Variants in NTM observed in about 807,000 individuals in gnomAD.
NTM encodes the protein IgLON family member 2.
NTM carries 13 observed loss-of-function variants against 42.1 expected under a neutral mutation model. The observed-to-expected ratio is 0.31, with a 90% CI of 0.20 to 0.49. The LOEUF (loss-of-function observed/expected upper bound fraction) is 0.49, where lower values mean the gene tolerates loss of function less well. Among genes scored for constraint, NTM ranks in the 20% least tolerant of loss-of-function variants. The pLI, the probability that NTM is intolerant of heterozygous loss-of-function variation, is 0.99. For missense variants in NTM, 373 were observed against 452.8 expected (o/e 0.82, Z 1.60); for synonymous variants, 187 against 179.2 (o/e 1.04, Z -0.35).
chr11:131,958,098 C>G (rs2061749928), intron 2 of NTM, among the ~76,000 whole-genome samples: 1 of 152,160 alleles, frequency 6.6e-6, no homozygotes, highest in Non-Finnish European at 1.5e-5. Context: ...TGTTTTCCTT[C>G]CTTTAGCAGA....
At chr11:132,268,627 G>GTGTGTA (rs1444019267) in intron 4 of NTM, among the ~76,000 whole-genome samples, 26 of 150,444 alleles carry the variant, frequency 1.7e-4, no homozygotes, top group African/African-American at 6.4e-4. Context: ...GTGTGTGTGT[G>GTGTGTA]TGTGTATGTG....
At chr11:131,580,053 A>G (rs924178823) in intron 1 of NTM, among the ~76,000 whole-genome samples, 3 of 152,126 alleles carry the variant, frequency 2.0e-5, no homozygotes, top group Non-Finnish European at 4.4e-5. Context: ...GAGAGCCTGC[A>G]GGGAGGGCTG....
At chr11:132,219,815 C>G (rs2084755719) in intron 4 of NTM, among the ~76,000 whole-genome samples, 1 of 152,132 alleles carries the variant, frequency 6.6e-6, no homozygotes, top group Non-Finnish European at 1.5e-5. Flanking sequence ...TCAGCCAGCC[C>G]CCTCCTCTTC....
intron 1 of NTM, among the ~76,000 whole-genome samples, chr11:131,506,720 C>G (rs1466020592): frequency 6.6e-6 from 1 of 152,156 alleles, no homozygotes; most frequent in Non-Finnish European, 1.5e-5. Flanking sequence ...AGGCAGTAGG[C>G]CCCTGGGAAA....
chr11:131,601,739 C>G (rs1347270915), intron 1 of NTM, among the ~76,000 whole-genome samples: 1 of 152,216 alleles, frequency 6.6e-6, no homozygotes, highest in Non-Finnish European at 1.5e-5. Context: ...GTGTCTGACT[C>G]ATTGGGATGA....
At chr11:131,609,658 A>C (rs1445914071) in intron 1 of NTM, among the ~76,000 whole-genome samples, 1 of 152,196 alleles carries the variant, frequency 6.6e-6, no homozygotes, top group Non-Finnish European at 1.5e-5. Flanking sequence ...TGTATGAGTA[A>C]CAATGCCAAG....
chr11:132,054,941 G>A (rs2079394159), intron 2 of NTM, among the ~76,000 whole-genome samples: 1 of 152,192 alleles, frequency 6.6e-6, no homozygotes, highest in African/African-American at 2.4e-5. Context: ...CTGTGGTTAA[G>A]GGAGGGGTCA....
intron 1 of NTM, among the ~76,000 whole-genome samples, chr11:131,666,197 G>GCCCTTCA (rs2069013153): frequency 6.6e-6 from 1 of 152,142 alleles, no homozygotes. Flanking sequence ...AGTGAGGCCA[G>GCCCTTCA]CCCTTCACCC....
intron 7 of NTM, 199 bp downstream of exon 7, chr11:132,314,902 G>A (rs1311481497): frequency 1.0e-5 from 14 of 1,351,124 alleles, no homozygotes; most frequent in African/African-American, 1.5e-5. Context: ...GACAGAAAGA[G>A]AAAGAACAAG....
chr11:131,408,734 A>G (rs1270755401), intron 1 of NTM, among the ~76,000 whole-genome samples: 1 of 152,170 alleles, frequency 6.6e-6, no homozygotes, highest in Non-Finnish European at 1.5e-5. Flanking sequence ...TTCATCAGTG[A>G]CATTGTTTTC....
chr11:131,973,150 A>G (rs1395052117), intron 2 of NTM, among the ~76,000 whole-genome samples: 5 of 152,176 alleles, frequency 3.3e-5, no homozygotes, highest in South Asian at 2.1e-4. Flanking sequence ...GTTCCCATCT[A>G]TAGTCATGTC....
intron 1 of NTM, among the ~76,000 whole-genome samples, chr11:131,824,598 C>T (rs541255332): frequency 1.7e-4 from 26 of 152,298 alleles, no homozygotes; most frequent in Admixed American, 1.6e-3. Context: ...TTTATTTATT[C>T]ACTCACTCAT....
chr11:131,742,259 C>G (rs1490627420), intron 1 of NTM, among the ~76,000 whole-genome samples: 1 of 152,150 alleles, frequency 6.6e-6, no homozygotes, highest in Non-Finnish European at 1.5e-5. Context: ...TACATAAACT[C>G]AAAATGTGTA....
chr11:131,442,980 TC>T (rs1949746791), intron 1 of NTM, among the ~76,000 whole-genome samples: 1 of 152,158 alleles, frequency 6.6e-6, no homozygotes, highest in African/African-American at 2.4e-5. Context: ...TAATTTCTTT[TC>T]CTTTGGTAGA....
At chr11:131,835,318 C>G (rs115469279) in intron 1 of NTM, among the ~76,000 whole-genome samples, 2,469 of 152,068 alleles carry the variant, frequency 0.016, 75 homozygotes, top group African/African-American at 0.057. Context: ...CACTTGTAAT[C>G]TTTCTAGTCT....
intron 1 of NTM, among the ~76,000 whole-genome samples, chr11:131,716,101 C>T (rs897940731): frequency 6.6e-6 from 1 of 152,198 alleles, no homozygotes; most frequent in Non-Finnish European, 1.5e-5. Flanking sequence ...CCAGCCAATT[C>T]ACTTACGGTG....
intron 4 of NTM, among the ~76,000 whole-genome samples, chr11:132,279,130 G>C (rs973791995): frequency 4.6e-5 from 7 of 152,160 alleles, no homozygotes; most frequent in Non-Finnish European, 5.9e-5. Flanking sequence ...CCCAAACAGA[G>C]ACTTGTAAGT....
At chr11:131,686,227 C>A (rs960140379) in intron 1 of NTM, among the ~76,000 whole-genome samples, 15 of 152,200 alleles carry the variant, frequency 9.9e-5, no homozygotes, top group Non-Finnish European at 1.9e-4. Flanking sequence ...GGGGTGCCGA[C>A]CCCTTGCTTA....
At chr11:131,487,107 G>A (rs2136273057) in intron 1 of NTM, among the ~76,000 whole-genome samples, 1 of 152,292 alleles carries the variant, frequency 6.6e-6, no homozygotes, top group African/African-American at 2.4e-5. Flanking sequence ...ACCACCAGGA[G>A]GGCCTGTCAG....
Sources: allele counts gnomAD v4.1 joint callset (sites outside exome capture counted in the v4.1 genomes callset), GRCh38; gene constraint gnomAD v4.1.1; transcripts MANE v1.5; gene names NCBI Gene and HGNC (gene_info 2026-07-23, HGNC 2026-07-21).